GLP1R: variants seen among roughly 807,000 people sequenced by gnomAD.
GLP1R encodes glucagon-like peptide 1 receptor.
In GLP1R, 32 loss-of-function variants were observed where a neutral mutation model predicts 68.4. The ratio of observed to expected loss-of-function variants is 0.47; its 90% CI spans 0.35 to 0.63. GLP1R has a LOEUF of 0.63. Among genes scored for constraint, GLP1R ranks in the 20% least tolerant of loss-of-function variants. The pLI is 0.00. For missense variants in GLP1R, 502 were observed against 594.9 expected (o/e 0.84, Z 1.62); for synonymous variants, 263 against 244.4 (o/e 1.08, Z -0.71).
chr6:39,060,886 C>T (rs1400616256), intron 3 of GLP1R, among the ~76,000 whole-genome samples: 1 of 152,152 alleles, frequency 6.6e-6, no homozygotes, highest in Non-Finnish European at 1.5e-5. Flanking sequence ...AGGGGTAACC[C>T]CCCTCCATGG....
In GLP1R at chr6:39,048,937, G is replaced by A. The variant is rs754348623; in HGVS notation, c.78+19G>A. 1.8e-6 allele frequency: 2 copies of A among 1,127,286 alleles called. No individual in the cohort carries two copies. Among genetic ancestry groups the A allele is most frequent in the Non-Finnish European group, 2.4e-6 (2 of 837,762 alleles). 69.8% of individuals were successfully genotyped at this position (1,127,286 alleles called of 1,614,324 possible). A position where few individuals can be genotyped will look rare whatever the true frequency, so the allele number is the denominator to read the frequency against. On this transcript the variant is annotated intron_variant, in intron 1 of 12. Coordinates refer to ENST00000373256, the MANE Select transcript of GLP1R (RefSeq NM_002062.5). ...CCCCCAGGTGAGATCCAGGGACCCC[G>A]ACGACACCGGGGGAGGCGGGTGGCT...
chr6:39,076,775 G>A (rs1258529835), intron 7 of GLP1R, among the ~76,000 whole-genome samples: 1 of 152,174 alleles, frequency 6.6e-6, no homozygotes, highest in Non-Finnish European at 1.5e-5. Context: ...CAACGGAGAC[G>A]AGCATGGAGA....
In GLP1R at chr6:39,086,142, C is replaced by G; in HGVS notation, c.*69C>G. On this transcript the variant is annotated 3_prime_UTR_variant, in exon 13 of 13. Transcript: ENST00000373256. This position sits in a 1 kb window ranked among gnomAD's most constrained non-coding sequence, Gnocchi z 4.5. ...GTGGCCAATCCAGGTGGGAGAGACA[C>G]TCCCAGGGACAAGGGAAGGAAGGGA... 3 of 1,211,966 alleles carry G rather than the reference C, an allele frequency of 2.5e-6. No individual in the cohort carries two copies. The highest frequency in any genetic ancestry group is 1.3e-5 in the South Asian group (1 of 78,152). The allele number at this position is 1,211,966 out of a possible 1,614,324, so 75.1% of individuals were successfully genotyped here. A position where few individuals can be genotyped will look rare whatever the true frequency, so the allele number is the denominator to read the frequency against.
chr6:39,075,718 A>G (rs1471713733), intron 7 of GLP1R, among the ~76,000 whole-genome samples: 1 of 152,216 alleles, frequency 6.6e-6, no homozygotes, highest in Non-Finnish European at 1.5e-5. Context: ...CCAAGCTGGG[A>G]TACTTGGGAA....
Position 39,049,674 on chromosome 6 carries a change from C to G in GLP1R, c.78+756C>G, listed in dbSNP as rs1352080853. Among the ~76,000 whole-genome samples, 2 of 152,194 alleles carry G rather than the reference C, an allele frequency of 1.3e-5. No homozygotes were observed. The highest frequency in any genetic ancestry group is 6.5e-5 in the Admixed American group (1 of 15,288). On this transcript the variant is annotated intron_variant, in intron 1 of 12. Coordinates refer to ENST00000373256, the MANE Select transcript of GLP1R (RefSeq NM_002062.5). This position sits in a 1 kb window ranked among gnomAD's most constrained non-coding sequence, Gnocchi z 4.5. ...ACAGCAGGCCCCAAGAGAAGGCATA[C>G]TGGGACACGCAAGAACACCTGGGCT...
chr6:39,075,127 A>G (rs1330439368), intron 7 of GLP1R, among the ~76,000 whole-genome samples: 4 of 152,118 alleles, frequency 2.6e-5, no homozygotes, highest in Non-Finnish European at 4.4e-5. Context: ...GCATCCCTTC[A>G]GTCCCCTGCA....
intron 5 of GLP1R, 117 bp from the exon 6 acceptor site, chr6:39,072,745 C>A: frequency 1.2e-6 from 1 of 828,444 alleles, no homozygotes; most frequent in Non-Finnish European, 2.0e-6. Flanking sequence ...GAAGAAGACA[C>A]ACGCACAGTC....
In GLP1R at chr6:39,090,291, T is replaced by C. The variant is rs1427610573; in HGVS notation, c.*4218T>C. Among the ~76,000 whole-genome samples, 3 of 152,218 alleles carry C rather than the reference T, an allele frequency of 2.0e-5. No individual in the cohort carries two copies. The highest frequency in any genetic ancestry group is 2.9e-5 in the Non-Finnish European group (2 of 68,034). ...ACTGGCAGGAAGCAGATAAGCATAA[T>C]TGTTTTCCAATAACTCCCCAAGTCT... On this transcript the variant is annotated 3_prime_UTR_variant, in exon 13 of 13. Coordinates refer to ENST00000373256, the MANE Select transcript of GLP1R (RefSeq NM_002062.5).
intron 3 of GLP1R, among the ~76,000 whole-genome samples, chr6:39,062,788 T>C (rs776193514): frequency 6.6e-6 from 1 of 152,258 alleles, no homozygotes; most frequent in Non-Finnish European, 1.5e-5. Flanking sequence ...TAGTTGATGA[T>C]CTTAGGCAAG....
intron 12 of GLP1R, among the ~76,000 whole-genome samples, chr6:39,082,982 C>T (rs1650559188): frequency 6.6e-6 from 1 of 152,174 alleles, no homozygotes; most frequent in Admixed American, 6.5e-5. Flanking sequence ...AGCTGCCTCT[C>T]CAGATTCCAT....
intron 8 of GLP1R, 147 bp downstream of exon 8, chr6:39,078,529 C>T: frequency 3.0e-6 from 2 of 674,336 alleles, no homozygotes; most frequent in East Asian, 2.6e-5. Context: ...CTCTAATCTC[C>T]CCTCCCTGCC....
chr6:39,054,336 C>G (rs761850752), intron 1 of GLP1R, among the ~76,000 whole-genome samples: 6 of 151,944 alleles, frequency 3.9e-5, no homozygotes, highest in Non-Finnish European at 7.4e-5. Context: ...GTAGTTTGCA[C>G]TGTGTGTGCC....
chr6:39,075,335 A>G (rs1263148605), intron 7 of GLP1R, among the ~76,000 whole-genome samples: 1 of 152,302 alleles, frequency 6.6e-6, no homozygotes, highest in South Asian at 2.1e-4. Context: ...GGCTGTCTTC[A>G]GGGTGGGGGA....
chr6:39,056,596 T>C (rs1470568044), intron 2 of GLP1R, 103 bp downstream of exon 2: 1 of 647,912 alleles, frequency 1.5e-6, no homozygotes, highest in Non-Finnish European at 2.9e-6. Context: ...TTTGCCTCTA[T>C]AGGATGCCAC....
intron 3 of GLP1R, among the ~76,000 whole-genome samples, chr6:39,063,040 G>A (rs893311697): frequency 6.6e-6 from 1 of 152,220 alleles, no homozygotes; most frequent in African/African-American, 2.4e-5. Context: ...CATCTTACTA[G>A]CATCACACGG....
Position 39,073,653 on chromosome 6 carries a change from G to C in GLP1R, c.707G>C (p.Cys236Ser). 2.5e-6 allele frequency: 4 copies of C among 1,613,954 alleles called. No homozygotes were observed. Among genetic ancestry groups the C allele is most frequent in the Non-Finnish European group, 3.4e-6 (4 of 1,179,888 alleles). ...CRLVFLLMQY[C>S]VAANYYWLLV... ...CTGGTGTTTCTGCTCATGCAGTACT[G>C]TGTGGCGGCCAATTACTACTGGCTC... The change falls in exon 7 of 13, where the codon TGT becomes TCT. Residue 236 changes from cysteine (C) to serine (S), a missense_variant. Physicochemically the swap from Cys to Ser is moderately radical, Grantham distance 112. Coordinates refer to ENST00000373256, the MANE Select transcript of GLP1R (RefSeq NM_002062.5).
Position 39,085,819 on chromosome 6 carries a change from C to T in GLP1R, c.1225-87C>T, listed in dbSNP as rs1306005869. On this transcript the variant is annotated intron_variant, in intron 12 of 12. Coordinates refer to ENST00000373256, the MANE Select transcript of GLP1R (RefSeq NM_002062.5). ...CTTAATATAATGCAGTGGATTTCTTCCCTTCCCCACTAATGTAATAGTGGG... is the reference window on the plus strand; with the variant it reads ...CTTAATATAATGCAGTGGATTTCTTTCCTTCCCCACTAATGTAATAGTGGG... 7 of 1,228,358 alleles carry T rather than the reference C, an allele frequency of 5.7e-6. No homozygotes were observed. In the South Asian group the frequency reaches 6.6e-5, roughly 12 times the overall value. 76.1% of individuals were successfully genotyped at this position (1,228,358 alleles called of 1,614,324 possible). A position where few individuals can be genotyped will look rare whatever the true frequency, so the allele number is the denominator to read the frequency against.
intron 7 of GLP1R, 59 bp from the exon 8 acceptor site, chr6:39,078,263 G>T: frequency 8.0e-7 from 1 of 1,254,662 alleles, no homozygotes; most frequent in Non-Finnish European, 1.2e-6. Flanking sequence ...GCCTCGGCAT[G>T]TAGACTGTGG....
intron 5 of GLP1R, among the ~76,000 whole-genome samples, chr6:39,066,794 G>T (rs991706044): frequency 1.3e-5 from 2 of 152,080 alleles, no homozygotes; most frequent in East Asian, 1.9e-4. Context: ...AGAGTACCAG[G>T]TTCTTCCCAC....
Sources: allele counts gnomAD v4.1 joint callset (sites outside exome capture counted in the v4.1 genomes callset), GRCh38; gene constraint gnomAD v4.1.1; non-coding constraint Gnocchi (gnomAD v3.1); transcripts MANE v1.5; gene names NCBI Gene and HGNC (gene_info 2026-07-23, HGNC 2026-07-21).